The following MBP variants were observed in gnomAD, a reference collection of about 807,000 sequenced individuals.
The protein encoded by MBP is myelin basic protein.
Under a neutral mutation model 35.8 loss-of-function variants are expected in MBP, and 16 were observed. That is an observed-to-expected ratio of 0.45 (90% CI 0.30 to 0.68). The LOEUF is 0.68. Ranked by LOEUF, MBP falls within the 30% of genes least tolerant of loss-of-function variation. The pLI is 0.08. For missense variants in MBP, 380 were observed against 404.7 expected (o/e 0.94, Z 0.52); for synonymous variants, 143 against 159.6 (o/e 0.90, Z 0.78).
At chr18:77,079,605 T>A (rs1974808744) in intron 2 of MBP, among the ~76,000 whole-genome samples, 2 of 152,232 alleles carry the variant, frequency 1.3e-5, no homozygotes, top group African/African-American at 4.8e-5. Flanking sequence ...ACACACAGTT[T>A]ATTTGCTTGC....
chr18:77,019,032 T>TCATCCATC lies in MBP; in HGVS notation c.140-1772_140-1765dup, dbSNP rs10526394. Among the ~76,000 whole-genome samples the TCATCCATC allele has an allele frequency of 7.1e-4, 99 of 138,784 alleles. 2 individuals carry two copies. Among genetic ancestry groups the TCATCCATC allele is most frequent in the African/African-American group, 1.3e-3 (47 of 35,632 alleles). The allele number at this position is 138,784 out of a possible 152,430, so 91.0% of individuals were successfully genotyped here. ...TGTATCCATCTATTTACCTACCTGT[T>TCATCCATC]CATCCATCCATCCATCCATCCATCC... On this transcript the variant is annotated intron_variant, in intron 3 of 8. Transcript: ENST00000355994.
At chr18:77,053,859 A>G (rs1406092210) in intron 3 of MBP, among the ~76,000 whole-genome samples, 1 of 152,250 alleles carries the variant, frequency 6.6e-6, no homozygotes, top group East Asian at 1.9e-4. Flanking sequence ...CAAAACAGAC[A>G]GATGTCCCTG....
chr18:77,069,953 C>T (rs764127171), intron 2 of MBP, among the ~76,000 whole-genome samples: 2 of 152,214 alleles, frequency 1.3e-5, no homozygotes, highest in East Asian at 1.9e-4. Flanking sequence ...ACACAGGACG[C>T]GTGCAGAAAG....
chr18:77,010,692 C>T (rs972322887), intron 4 of MBP, among the ~76,000 whole-genome samples: 5 of 152,228 alleles, frequency 3.3e-5, no homozygotes, highest in African/African-American at 1.2e-4. Flanking sequence ...GCTACGCATT[C>T]ACCTGAGCTC....
intron 1 of MBP, chr18:77,114,809 T>G (rs1342739435): frequency 1.3e-5 from 2 of 152,296 alleles, no homozygotes; most frequent in Non-Finnish European, 2.9e-5. Context: ...CCTTTCCAAG[T>G]GTGCGGTGCG....
At chr18:77,073,734 T>G (rs1000001600) in intron 2 of MBP, among the ~76,000 whole-genome samples, 3 of 152,178 alleles carry the variant, frequency 2.0e-5, no homozygotes, top group African/African-American at 7.2e-5. Context: ...TTGCAGGACA[T>G]GCAGACCTGT....
chr18:77,019,686 C>G (rs8090485), intron 3 of MBP, among the ~76,000 whole-genome samples: 1 of 152,064 alleles, frequency 6.6e-6, no homozygotes, highest in African/African-American at 2.4e-5. Flanking sequence ...GGCAAGAGAA[C>G]AGGAAAGCAG....
At chr18:77,099,878 C>G (rs561842960) in intron 2 of MBP, among the ~76,000 whole-genome samples, 1 of 152,334 alleles carries the variant, frequency 6.6e-6, no homozygotes, top group East Asian at 1.9e-4. Flanking sequence ...GAAGGGAAAC[C>G]AGGTCTGCTG....
chr18:76,990,362 C>T (rs1042244038), intron 4 of MBP, among the ~76,000 whole-genome samples: 4 of 151,620 alleles, frequency 2.6e-5, no homozygotes, highest in East Asian at 1.9e-4. Context: ...GTGCATTGCT[C>T]GGTGGGTGGA....
intron 2 of MBP, among the ~76,000 whole-genome samples, chr18:77,083,921 ATAG>A (rs1975085327): frequency 6.6e-6 from 1 of 152,146 alleles, no homozygotes; most frequent in South Asian, 2.1e-4. Context: ...GACTGTTGGG[ATAG>A]TTGCACGTAT....
intron 3 of MBP, among the ~76,000 whole-genome samples, chr18:77,056,686 C>A (rs1263242116): frequency 2.0e-5 from 3 of 152,212 alleles, no homozygotes; most frequent in African/African-American, 7.2e-5. Flanking sequence ...TCAGCTCGCT[C>A]TCTCCTACTG....
At chr18:76,984,527 G>T in intron 8 of MBP, 1 of 500,562 alleles carries the variant, frequency 2.0e-6, no homozygotes, top group Non-Finnish European at 3.6e-6. Flanking sequence ...CTGCTCCAGG[G>T]CCCCTGAACC....
At chr18:77,000,711 TTTTTTGTTTTTG>T (rs553786594) in intron 4 of MBP, among the ~76,000 whole-genome samples, 49 of 152,270 alleles carry the variant, frequency 3.2e-4, no homozygotes, top group African/African-American at 1.1e-3. Context: ...TGTTGTTGTT[TTTTTTGTTTTTG>T]TTTTTGTTTT....
chr18:77,016,418 G>A, intron 4 of MBP: 1 of 1,015,432 alleles, frequency 9.8e-7, no homozygotes, highest in Non-Finnish European at 1.2e-6. Flanking sequence ...ACTGACTCCA[G>A]GAAAAAACGA....
intron 7 of MBP, chr18:76,985,995 C>T (rs1256970445): frequency 3.0e-6 from 3 of 985,466 alleles, no homozygotes; most frequent in East Asian, 1.1e-4. Context: ...CTACTTGCTA[C>T]TGTGCTGTCT....
At chr18:77,009,954 T>C in intron 4 of MBP, 1 of 1,517,334 alleles carries the variant, frequency 6.6e-7, no homozygotes, top group South Asian at 1.2e-5. Context: ...GTGGGCTGCG[T>C]GAGTCCGGGT....
At chr18:77,036,987 T>C (rs475324) in intron 3 of MBP, among the ~76,000 whole-genome samples, 1,818 of 2,816 alleles carry the variant, frequency 0.65, 761 homozygotes, top group East Asian at 0.95. Flanking sequence ...GGTCACGTTT[T>C]GGAGGACTGA....
At chr18:77,068,963 ACTCTGACCTCACCTCGGGGC>A (rs759788734) in intron 2 of MBP, 6 of 467,892 alleles carry the variant, frequency 1.3e-5, no homozygotes, top group East Asian at 6.5e-5. Context: ...CACCTCGGGG[ACTCTGACCTCACCTCGGGGC>A]CTCTGACCTC....
chr18:76,985,565 A>G, intron 7 of MBP: 1 of 1,098,516 alleles, frequency 9.1e-7, no homozygotes, highest in Non-Finnish European at 1.1e-6. Flanking sequence ...TCGGACTGGG[A>G]GCAACAGGAG....
Sources: gnomAD v4.1 joint callset for allele counts (sites outside exome capture counted in the v4.1 genomes callset) on GRCh38, gnomAD v4.1.1 for gene constraint, MANE v1.5 for transcripts, NCBI Gene and HGNC (gene_info 2026-07-23, HGNC 2026-07-21) for gene names.